EBF1: variants seen among roughly 807,000 people sequenced by gnomAD.
The protein encoded by EBF1 is transcription factor COE1.
In EBF1, 10 loss-of-function variants were observed where a neutral mutation model predicts 68.4. The observed-to-expected ratio is 0.15, with a 90% confidence interval of 0.09 to 0.25. The LOEUF (loss-of-function observed/expected upper bound fraction) is 0.25. Ranked by LOEUF, EBF1 falls within the 10% of genes least tolerant of loss-of-function variation. The probability of loss-of-function intolerance (pLI) is 1.00; values close to 1 mark genes in which losing one functional copy is unlikely to be tolerated. For synonymous variants in EBF1, 298 were observed against 299.8 expected (o/e 0.99, Z 0.06); for missense variants, 509 against 794.4 (o/e 0.64, Z 4.32).
intron 6 of EBF1, among the ~76,000 whole-genome samples, chr5:158,956,751 C>T (rs993464980): frequency 8.5e-5 from 12 of 140,478 alleles, no homozygotes; most frequent in Admixed American, 7.0e-4. Flanking sequence ...GCCACCAACA[C>T]TTCTTTTTTT....
chr5:158,881,959 T>C (rs1798989232), intron 6 of EBF1, among the ~76,000 whole-genome samples: 1 of 152,182 alleles, frequency 6.6e-6, no homozygotes, highest in African/African-American at 2.4e-5. Context: ...CTTCCCTAGT[T>C]GCTTCTGCTT....
intron 8 of EBF1, among the ~76,000 whole-genome samples, chr5:158,810,495 G>T (rs532653829): frequency 2.0e-5 from 3 of 152,074 alleles, no homozygotes; most frequent in Non-Finnish European, 2.9e-5. Context: ...CCCCAAGGAC[G>T]ATGAAAGAAA....
chr5:158,998,652 T>C (rs2127635764), intron 6 of EBF1, among the ~76,000 whole-genome samples: 1 of 152,344 alleles, frequency 6.6e-6, no homozygotes, highest in African/African-American at 2.4e-5. Flanking sequence ...TAATAACTTT[T>C]CTTTAAATTG....
intron 6 of EBF1, among the ~76,000 whole-genome samples, chr5:158,993,468 G>A (rs1439991167): frequency 6.6e-6 from 1 of 152,102 alleles, no homozygotes; most frequent in Non-Finnish European, 1.5e-5. Context: ...AAATCCTAGT[G>A]TTTTCCCTCT....
intron 6 of EBF1, among the ~76,000 whole-genome samples, chr5:158,944,138 G>A (rs899353168): frequency 6.6e-6 from 1 of 152,084 alleles, no homozygotes; most frequent in African/African-American, 2.4e-5. Flanking sequence ...TTGTTACATA[G>A]GTATACATGT....
intron 6 of EBF1, among the ~76,000 whole-genome samples, chr5:158,956,954 T>C (rs1241375857): frequency 6.6e-6 from 1 of 152,116 alleles, no homozygotes; most frequent in East Asian, 1.9e-4. Context: ...GAGACCGGGT[T>C]TCACCGTGTT....
intron 5 of EBF1, among the ~76,000 whole-genome samples, chr5:159,078,017 G>A (rs1384893820): frequency 2.6e-5 from 4 of 152,076 alleles, no homozygotes; most frequent in Non-Finnish European, 4.4e-5. Flanking sequence ...TGGGATTACA[G>A]GTGCAAGCCA....
At chr5:158,726,625 C>G (rs1291225220) in intron 11 of EBF1, among the ~76,000 whole-genome samples, 3 of 152,180 alleles carry the variant, frequency 2.0e-5, no homozygotes, top group Admixed American at 6.5e-5. Flanking sequence ...GAGGGGCTGG[C>G]TCTTGGAGAA....
intron 6 of EBF1, among the ~76,000 whole-genome samples, chr5:158,969,769 T>C (rs1261221431): frequency 7.0e-6 from 1 of 143,864 alleles, no homozygotes; most frequent in Non-Finnish European, 1.5e-5. Flanking sequence ...AGTGAGACTC[T>C]GGAAAGAAAG....
intron 6 of EBF1, among the ~76,000 whole-genome samples, chr5:158,845,637 T>C (rs1791314521): frequency 6.8e-6 from 1 of 146,218 alleles, no homozygotes; most frequent in Non-Finnish European, 1.5e-5. Context: ...AATGTTAAGG[T>C]CAAGAAAAGA....
chr5:158,702,573 T>A (rs1290376324), intron 15 of EBF1, among the ~76,000 whole-genome samples: 1 of 149,300 alleles, frequency 6.7e-6, no homozygotes, highest in African/African-American at 2.5e-5. Flanking sequence ...GGGTTTGGAG[T>A]GAGAGGGTGG....
intron 10 of EBF1, among the ~76,000 whole-genome samples, chr5:158,760,810 A>G (rs1035299571): frequency 6.6e-6 from 1 of 152,032 alleles, no homozygotes; most frequent in Admixed American, 6.6e-5. Flanking sequence ...ATTTTCCTCA[A>G]ATCGATATTT....
At chr5:159,090,063 T>G (rs546569899) in intron 4 of EBF1, among the ~76,000 whole-genome samples, 1 of 152,142 alleles carries the variant, frequency 6.6e-6, no homozygotes, top group East Asian at 1.9e-4. Flanking sequence ...AGTTCATGAA[T>G]GCACAAAGTA....
At chr5:158,748,618 G>A (rs1768103274) in intron 10 of EBF1, among the ~76,000 whole-genome samples, 1 of 152,176 alleles carries the variant, frequency 6.6e-6, no homozygotes, top group East Asian at 1.9e-4. Context: ...GATTCAGCAG[G>A]AATATGGAAG....
chr5:159,093,141 T>C (rs905705432), intron 4 of EBF1, among the ~76,000 whole-genome samples: 3 of 152,172 alleles, frequency 2.0e-5, no homozygotes, highest in Non-Finnish European at 4.4e-5. Flanking sequence ...TCTATCTGCT[T>C]TTTGGAGGCC....
chr5:158,770,008 C>G (rs1773554586), intron 10 of EBF1, among the ~76,000 whole-genome samples: 1 of 152,124 alleles, frequency 6.6e-6, no homozygotes, highest in East Asian at 1.9e-4. Context: ...AAAACACATT[C>G]TTGCCTTCCT....
At chr5:158,747,219 A>G (rs72810379) in intron 10 of EBF1, among the ~76,000 whole-genome samples, 43,535 of 152,116 alleles carry the variant, frequency 0.29, 6,680 homozygotes, top group African/African-American at 0.38. Flanking sequence ...AACCAACCCC[A>G]GTCCTCTGTG....
intron 15 of EBF1, among the ~76,000 whole-genome samples, chr5:158,700,295 C>T (rs780738638): frequency 1.2e-4 from 19 of 152,204 alleles, no homozygotes; most frequent in Non-Finnish European, 2.2e-4. Flanking sequence ...CAGGGTGGCA[C>T]CTTTGAAACA....
intron 6 of EBF1, 97 bp downstream of exon 6, chr5:159,073,299 C>T: frequency 7.7e-7 from 1 of 1,295,078 alleles, no homozygotes. Flanking sequence ...CAAATTTCAG[C>T]CACATGCATT....
Sources: gnomAD v4.1 joint callset for allele counts (sites outside exome capture counted in the v4.1 genomes callset) on GRCh38, gnomAD v4.1.1 for gene constraint, MANE v1.5 for transcripts, NCBI Gene and HGNC (gene_info 2026-07-23, HGNC 2026-07-21) for gene names.